Variants in SF3A2 observed in about 807,000 individuals in gnomAD.
SF3A2 encodes SAP 62.
Under a neutral mutation model 31.1 loss-of-function variants are expected in SF3A2, and 5 were observed. The ratio of observed to expected loss-of-function variants is 0.16; its 90% CI spans 0.08 to 0.34. The LOEUF is 0.34. Among genes scored for constraint, SF3A2 ranks in the 10% least tolerant of loss-of-function variants. The pLI, the probability that SF3A2 is intolerant of heterozygous loss-of-function variation, is 1.00. For synonymous variants in SF3A2, 365 were observed against 263.7 expected (o/e 1.38, Z -3.72); for missense variants, 577 against 643.9 (o/e 0.90, Z 1.13).
chr19:2,247,526 G>A, intron 7 of SF3A2, 68 bp from the exon 8 acceptor site: 1 of 1,546,358 alleles, frequency 6.5e-7, no homozygotes, highest in East Asian at 2.2e-5. Flanking sequence ...AGTGCCTCGG[G>A]CTCCCTGCCT....
At chr19:2,241,379 T>TG (rs941386118) in intron 1 of SF3A2, among the ~76,000 whole-genome samples, 3 of 152,310 alleles carry the variant, frequency 2.0e-5, no homozygotes, top group African/African-American at 7.2e-5. Context: ...GAGAGGCAAG[T>TG]GCGGCTGCGG....
chr19:2,245,265 G>A lies in SF3A2; in HGVS notation c.246-181G>A, dbSNP rs761938915. On this transcript the variant is annotated intron_variant, in intron 4 of 8. Coordinates refer to ENST00000221494, the MANE Select transcript of SF3A2 (RefSeq NM_007165.5). The surrounding 1 kb of genome is among the most constrained non-coding windows in gnomAD (Gnocchi z 4.2). The stretch of plus-strand genomic sequence containing the variant: ...GGGACAGTGAGGAGCATGACAGGAA[G>A]AGAACATGCCTGTCCTATCCCTGTC... 113 of 567,966 alleles carry A rather than the reference G, an allele frequency of 2.0e-4. No homozygotes were observed. The highest frequency in any genetic ancestry group is 3.0e-4 in the Non-Finnish European group (96 of 320,430). The allele number at this position is 567,966 out of a possible 1,614,324, so 35.2% of individuals were successfully genotyped here.
rs929024096 is a variant in SF3A2 at position 2,244,875 on chromosome 19, C to G, written c.245+96C>G. On this transcript the variant is annotated intron_variant, in intron 4 of 8. Transcript: ENST00000221494. ...GGGCCACTGCTCCACAGCCGGGGAG[C>G]CAGCCTGGCCTGAGCCTCCCTGGGC... 21 of 1,214,726 alleles carry G rather than the reference C, an allele frequency of 1.7e-5. No homozygotes were observed. The South Asian group carries it at 2.7e-4, about 16-fold the overall frequency. 75.2% of individuals were successfully genotyped at this position (1,214,726 alleles called of 1,614,324 possible). A position where few individuals can be genotyped will look rare whatever the true frequency, so the allele number is the denominator to read the frequency against.
At chr19:2,241,042 G>T (rs929924732) in intron 1 of SF3A2, among the ~76,000 whole-genome samples, 35 of 152,220 alleles carry the variant, frequency 2.3e-4, no homozygotes, top group African/African-American at 8.0e-4. Context: ...GCAGGCTTGG[G>T]GGTAGAGACC....
chr19:2,248,322 C>A lies in SF3A2; in HGVS notation c.1171C>A (p.Pro391Thr). ...PAAPAVHPQAPGVHPPAPGMH... is the reference protein window; with the variant it reads ...PAAPAVHPQATGVHPPAPGMH... ...AGCCCCCGCCGTTCACCCTCAGGCC[C>A]CAGGGGTGCACCCACCAGCCCCAGG... Residue 391 changes from proline to threonine, a missense_variant, in exon 9 of 9, where the codon CCA becomes ACA. Transcript: ENST00000221494. 7.1e-7 allele frequency: 1 copy of A among 1,400,634 alleles called. No individual in the cohort carries two copies. Among genetic ancestry groups the A allele is most frequent in the Non-Finnish European group, 9.3e-7 (1 of 1,080,226 alleles). The allele number at this position is 1,400,634 out of a possible 1,614,324, so 86.8% of individuals were successfully genotyped here.
intron 2 of SF3A2, among the ~76,000 whole-genome samples, chr19:2,244,229 T>G (rs1487573354): frequency 2.0e-5 from 3 of 151,894 alleles, no homozygotes; most frequent in African/African-American, 7.3e-5. Flanking sequence ...GCCTCGGGAG[T>G]GACCGGCGGT....
chr19:2,240,933 C>T (rs1278687064), intron 1 of SF3A2, among the ~76,000 whole-genome samples: 2 of 152,246 alleles, frequency 1.3e-5, no homozygotes, highest in Non-Finnish European at 2.9e-5. Context: ...TCCGCTCCTC[C>T]TGGGCCCTGG....
At chr19:2,242,868 A>G in intron 1 of SF3A2, among the ~76,000 whole-genome samples, 1 of 152,328 alleles carries the variant, frequency 6.6e-6, no homozygotes, top group East Asian at 1.9e-4. Flanking sequence ...TGCGAAGATC[A>G]GTGTCCTCAC....
intron 1 of SF3A2, chr19:2,238,022 GTTTT>G (rs1286184777): frequency 1.3e-5 from 2 of 152,282 alleles, no homozygotes; most frequent in Non-Finnish European, 1.5e-5. Flanking sequence ...GTCGTCATCG[GTTTT>G]TTGTTTGTTT....
intron 1 of SF3A2, among the ~76,000 whole-genome samples, chr19:2,240,545 G>A (rs984289474): frequency 2.6e-5 from 4 of 152,322 alleles, no homozygotes; most frequent in African/African-American, 7.2e-5. Flanking sequence ...GAGTGGTTGA[G>A]TATTGGTCTG....
In SF3A2 at chr19:2,244,629, C is replaced by G; in HGVS notation, c.198+14C>G. The G allele has an allele frequency of 6.2e-7, 1 of 1,613,854 alleles. No individual in the cohort carries two copies. The highest frequency in any genetic ancestry group is 1.6e-4 in the Middle Eastern group (1 of 6,062). Reference sequence around the variant, plus strand: ...CACAACAATGAGGTGCGGCCTCTGCCTGGCTCCGGGCGGCTCGCGGCGGGC... The same window carrying G: ...CACAACAATGAGGTGCGGCCTCTGCGTGGCTCCGGGCGGCTCGCGGCGGGC... On this transcript the variant is annotated intron_variant, in intron 3 of 8. Transcript: ENST00000221494.
rs994870991 is a variant in SF3A2 at position 2,238,543 on chromosome 19, A to G, written c.-38+1642A>G. ...GTTTATGTCATGAGCATAGTTGGTCATTGGTTGTGTTTTCTAAATAAGATG... is the reference window on the plus strand; with the variant it reads ...GTTTATGTCATGAGCATAGTTGGTCGTTGGTTGTGTTTTCTAAATAAGATG... On this transcript the variant is annotated intron_variant, in intron 1 of 8. Transcript: ENST00000221494. Among the ~76,000 whole-genome samples, 5 of 152,174 alleles carry G rather than the reference A, an allele frequency of 3.3e-5. No individual in the cohort carries two copies. The East Asian group carries it at 7.7e-4, about 23-fold the overall frequency.
chr19:2,248,541 A>C lies in SF3A2; in HGVS notation c.1390A>C (p.Asn464His), dbSNP rs2145022009. The change falls in exon 9 of 9, where the codon AAC (asparagine) becomes CAC (histidine). Residue 464 changes from asparagine to histidine, a missense_variant. Transcript: ENST00000221494. Reference sequence around the variant, plus strand: ...GAACATACCTCCCCCTCCCCCAACCAACTGAGAAGCTGCTCCCTCCCCCAG... The same window carrying C: ...GAACATACCTCCCCCTCCCCCAACCCACTGAGAAGCTGCTCCCTCCCCCAG... ...PGNIPPPPPT[N>H] is the part of the protein sequence containing the mutation. 9 of 928,764 alleles carry C rather than the reference A, an allele frequency of 9.7e-6. No homozygotes were observed. The highest frequency in any genetic ancestry group is 1.2e-5 in the Non-Finnish European group (9 of 721,614). 57.5% of individuals were successfully genotyped at this position (928,764 alleles called of 1,614,324 possible). A position where few individuals can be genotyped will look rare whatever the true frequency, so the allele number is the denominator to read the frequency against.
In SF3A2 at chr19:2,246,823, G is replaced by A. The variant is rs762288461; in HGVS notation, c.405+21G>A. The A allele has an allele frequency of 6.2e-6, 10 of 1,613,762 alleles. No individual in the cohort carries two copies. The highest frequency in any genetic ancestry group is 3.3e-5 in the Admixed American group (2 of 60,002). ...TCCAGGTGAGATCAGGGACTTGGGC[G>A]TGGGGGGCGGCCAAAGGCACCCAAG... On this transcript the variant is annotated intron_variant, in intron 6 of 8. Coordinates refer to ENST00000221494, the MANE Select transcript of SF3A2 (RefSeq NM_007165.5). This position sits in a 1 kb window ranked among gnomAD's most constrained non-coding sequence, Gnocchi z 5.5.
At chr19:2,242,993 T>G (rs948022312) in intron 1 of SF3A2, among the ~76,000 whole-genome samples, 7 of 152,164 alleles carry the variant, frequency 4.6e-5, no homozygotes, top group Non-Finnish European at 7.4e-5. Flanking sequence ...GCTTGGGCAG[T>G]CCGGGATGGC....
chr19:2,243,590 C>T (rs772429895), intron 2 of SF3A2, 46 bp downstream of exon 2: 262 of 1,496,694 alleles, frequency 1.8e-4, no homozygotes, highest in Non-Finnish European at 2.1e-4. Flanking sequence ...GCTGGGCTTT[C>T]CAGGGCAGCC....
Position 2,248,107 on chromosome 19 carries a change from C to A in SF3A2, c.956C>A (p.Ala319Asp). 1 of 1,153,580 alleles carries A rather than the reference C, an allele frequency of 8.7e-7. No individual in the cohort carries two copies. Among genetic ancestry groups the A allele is most frequent in the Non-Finnish European group, 1.3e-6 (1 of 794,164 alleles). 71.5% of individuals were successfully genotyped at this position (1,153,580 alleles called of 1,614,324 possible). ...HPPAPGVHPP[A>D]PGVHPPTSGV... ...CCAGCTCCTGGCGTCCATCCCCCAG[C>A]CCCTGGGGTCCACCCACCAACCTCT... Residue 319 changes from alanine to aspartate, a missense_variant, in exon 9 of 9, where the codon GCC (alanine) becomes GAC (aspartate). This residue lies in a region of SF3A2 where 462 missense variants were observed against 339.1 expected (regional missense o/e 1.36). Transcript: ENST00000221494.
rs1490873220 is a variant in SF3A2 at position 2,245,914 on chromosome 19, G to C, written c.355+359G>C. The C allele has an allele frequency of 3.6e-6, 1 of 276,060 alleles. No individual in the cohort carries two copies. Among genetic ancestry groups the C allele is most frequent in the African/African-American group, 2.2e-5 (1 of 45,336 alleles). The allele number at this position is 276,060 out of a possible 1,614,324, so 17.1% of individuals were successfully genotyped here. ...GTTAACCTTGAAGCCTTTGAAGGAG[G>C]ACAGGGAGAAGCGGCTGTTAGAGGC... On this transcript the variant is annotated intron_variant, in intron 5 of 8. Transcript: ENST00000221494. The surrounding 1 kb of genome is among the most constrained non-coding windows in gnomAD (Gnocchi z 4.2).
chr19:2,238,502 T>A (rs2024859782), intron 1 of SF3A2, among the ~76,000 whole-genome samples: 2 of 152,186 alleles, frequency 1.3e-5, no homozygotes, highest in Non-Finnish European at 2.9e-5. Context: ...ACCTTCACCT[T>A]CCATATCCTG....
Sources: allele counts gnomAD v4.1 joint callset (sites outside exome capture counted in the v4.1 genomes callset), GRCh38; gene constraint gnomAD v4.1.1; regional missense constraint gnomAD v4.1.1; non-coding constraint Gnocchi (gnomAD v3.1); transcripts MANE v1.5; gene names NCBI Gene and HGNC (gene_info 2026-07-23, HGNC 2026-07-21).